SNX14: variants seen among roughly 807,000 people sequenced by gnomAD.
The protein encoded by SNX14 is sorting nexin 14, also known as sorting nexin-14.
Under a neutral mutation model 133.8 loss-of-function variants are expected in SNX14, and 93 were observed. The ratio of observed to expected loss-of-function variants is 0.70; its 90% CI spans 0.59 to 0.83. The LOEUF (loss-of-function observed/expected upper bound fraction) is 0.83, where lower values mean the gene tolerates loss of function less well. Ranked by LOEUF, SNX14 falls within the 40% of genes least tolerant of loss-of-function variation. The pLI, the probability that SNX14 is intolerant of heterozygous loss-of-function variation, is 0.00. For missense variants in SNX14, 945 were observed against 1,094.9 expected, an observed-to-expected ratio of 0.86 and a Z score of 1.93; for synonymous variants, 368 against 365.6, an observed-to-expected ratio of 1.01 and a Z score of -0.07.
At chr6:85,545,889 C>T (rs555493330) in intron 12 of SNX14, among the ~76,000 whole-genome samples, 1 of 152,248 alleles carries the variant, frequency 6.6e-6, no homozygotes, top group African/African-American at 2.4e-5. Flanking sequence ...CACTATGTTG[C>T]CCAGGTTGGT....
chr6:85,512,514 C>T (rs182720539), intron 26 of SNX14, among the ~76,000 whole-genome samples: 448 of 151,256 alleles, frequency 3.0e-3, no homozygotes, highest in Non-Finnish European at 5.2e-3. Flanking sequence ...CCCAGCTACT[C>T]GGGAGGCTGA....
chr6:85,507,651 G>C (rs1771185300), intron 27 of SNX14, among the ~76,000 whole-genome samples: 1 of 151,964 alleles, frequency 6.6e-6, no homozygotes, highest in African/African-American at 2.4e-5. Context: ...ACATAAAAAT[G>C]TTAACTGGTT....
Position 85,514,524 on chromosome 6 carries a change from C to A in SNX14, c.2374G>T (p.Asp792Tyr). The A allele has an allele frequency of 1.2e-6, 2 of 1,613,398 alleles. No individual in the cohort carries two copies. The highest frequency in any genetic ancestry group is 1.7e-6 in the Non-Finnish European group (2 of 1,179,736). Residue 792 changes from aspartate to tyrosine, a missense_variant, in exon 24 of 29, where the codon GAT (aspartate) becomes TAT (tyrosine). By Grantham distance (160) the Asp-to-Tyr change is radical (BLOSUM62 -3). This residue lies in a region of SNX14 where 412 missense variants were observed against 516.6 expected (regional missense o/e 0.80). Transcript: ENST00000314673. ...MEVMTVEGVY[D>Y]YLMYVGRVVF... ...ATCTTACCTACATACATCAGGTAAT[C>A]ATAGACTCCTTCTACAGTCATCACC...
chr6:85,579,396 G>A (rs1242608803), intron 1 of SNX14, among the ~76,000 whole-genome samples: 2 of 152,100 alleles, frequency 1.3e-5, no homozygotes, highest in Admixed American at 6.5e-5. Flanking sequence ...CTCCCCACAG[G>A]AACACCAAAT....
intron 16 of SNX14, among the ~76,000 whole-genome samples, chr6:85,538,221 AG>A (rs1782542662): frequency 6.6e-6 from 1 of 152,202 alleles, no homozygotes; most frequent in African/African-American, 2.4e-5. Flanking sequence ...AAGCAGTAAA[AG>A]GGGTACTTAA....
intron 7 of SNX14, among the ~76,000 whole-genome samples, chr6:85,551,510 A>G (rs1787833295): frequency 6.6e-6 from 1 of 152,242 alleles, no homozygotes; most frequent in Non-Finnish European, 1.5e-5. Flanking sequence ...ATCAGAACTC[A>G]GCTGCACTGA....
Position 85,505,954 on chromosome 6 carries a change from C to G in SNX14, c.*13G>C. 6.3e-7 allele frequency: 1 copy of G among 1,594,964 alleles called. No homozygotes were observed. The highest frequency in any genetic ancestry group is 8.6e-7 in the Non-Finnish European group (1 of 1,163,258). The stretch of plus-strand genomic sequence containing the variant: ...GAAATTTCAATGGGTTATTCTATAC[C>G]AAATCCAAGTGTTTACATCCAAGAT... On this transcript the variant is annotated 3_prime_UTR_variant, in exon 29 of 29. Coordinates refer to ENST00000314673, the MANE Select transcript of SNX14 (RefSeq NM_153816.6).
At chr6:85,556,158 C>A (rs1789698928) in intron 7 of SNX14, among the ~76,000 whole-genome samples, 2 of 152,136 alleles carry the variant, frequency 1.3e-5, no homozygotes, top group Admixed American at 1.3e-4. Flanking sequence ...CTCAATAATT[C>A]TTCTGTGAAT....
intron 18 of SNX14, among the ~76,000 whole-genome samples, chr6:85,532,700 C>A (rs143300412): frequency 6.6e-6 from 1 of 152,058 alleles, no homozygotes; most frequent in African/African-American, 2.4e-5. Context: ...AAAGTGGTGA[C>A]TATTTTATTT....
intron 18 of SNX14, among the ~76,000 whole-genome samples, chr6:85,531,863 C>T (rs1562248574): frequency 6.6e-6 from 1 of 151,852 alleles, no homozygotes. Context: ...CTTTTCTCTA[C>T]AAAAAAATTT....
At position 85,533,877 on chromosome 6, in the gene SNX14, G is replaced by C. The variant is rs745480275; in HGVS notation, c.1609-77C>G. The C allele has an allele frequency of 8.2e-4, 901 of 1,097,202 alleles. 4 individuals carry two copies. Among genetic ancestry groups the C allele is most frequent in the Non-Finnish European group, 1.0e-3 (757 of 753,368 alleles). 68.0% of individuals were successfully genotyped at this position (1,097,202 alleles called of 1,614,324 possible). ...ACAGCATATGAGATACAAGTATAAA[G>C]TAATATGCCCATATCAATTGATAAT... On this transcript the variant is annotated intron_variant, in intron 17 of 28. Transcript: ENST00000314673.
chr6:85,588,650 G>C (rs934843078), intron 1 of SNX14, among the ~76,000 whole-genome samples: 1 of 151,954 alleles, frequency 6.6e-6, no homozygotes, highest in African/African-American at 2.4e-5. Context: ...ATATACATTG[G>C]TCTCCCCGCA....
At chr6:85,511,794 G>A (rs946700863) in intron 26 of SNX14, among the ~76,000 whole-genome samples, 2 of 152,166 alleles carry the variant, frequency 1.3e-5, no homozygotes. Flanking sequence ...ATCTGACTCT[G>A]GTTCTGATAC....
intron 26 of SNX14, 163 bp from the exon 27 acceptor site, chr6:85,508,222 G>A: frequency 7.8e-7 from 1 of 1,286,106 alleles, no homozygotes; most frequent in Non-Finnish European, 9.8e-7. Context: ...CTGGATAAGA[G>A]GTTTCTATGG....
rs776056198 is a variant in SNX14, at chr6:85,543,292, A to G, written c.1279T>C (p.Tyr427His). ...EEIQRIAEGP[Y>H]IDVVKLQTMR... ...GTTTGAAGTTTCACAACATCTATGTATGGGCCTTCAGCAACTATTAAAAAA... is the reference window on the plus strand; with the variant it reads ...GTTTGAAGTTTCACAACATCTATGTGTGGGCCTTCAGCAACTATTAAAAAA... Residue 427 changes from tyrosine (Y) to histidine (H), a missense_variant, in exon 14 of 29, where the codon TAC becomes CAC. By Grantham distance (83) the Tyr-to-His change is moderately conservative. Coordinates refer to ENST00000314673, the MANE Select transcript of SNX14 (RefSeq NM_153816.6). 31 of 1,575,622 alleles carry G rather than the reference A, an allele frequency of 2.0e-5. No individual in the cohort carries two copies. In the South Asian group the frequency reaches 3.5e-4, roughly 18 times the overall value.
At chr6:85,578,911 G>A (rs995535422) in intron 1 of SNX14, among the ~76,000 whole-genome samples, 2 of 152,050 alleles carry the variant, frequency 1.3e-5, no homozygotes, top group East Asian at 3.8e-4. Flanking sequence ...TGAGGCGGGC[G>A]GATCACCTGA....
rs112516234 is a variant in SNX14 at position 85,507,354 on chromosome 6, T to C, written c.2746-65A>G. 6,476 of 1,331,430 alleles carry C rather than the reference T, an allele frequency of 4.9e-3. 40 individuals carry two copies. The highest frequency in any genetic ancestry group is 0.014 in the South Asian group (1,073 of 78,072). The allele number at this position is 1,331,430 out of a possible 1,614,324, so 82.5% of individuals were successfully genotyped here. A position where few individuals can be genotyped will look rare whatever the true frequency, so the allele number is the denominator to read the frequency against. On this transcript the variant is annotated intron_variant, in intron 27 of 28. Coordinates refer to ENST00000314673, the MANE Select transcript of SNX14 (RefSeq NM_153816.6). ...CTAAACACAAAAACCATAAAAATGA[T>C]ACACACAAAATTAAAGATTGTGGTT...
chr6:85,539,268 G>C (rs1225852599), intron 15 of SNX14, among the ~76,000 whole-genome samples: 2 of 152,002 alleles, frequency 1.3e-5, no homozygotes, highest in Non-Finnish European at 2.9e-5. Context: ...TCATGCAGTG[G>C]AAAGTATGCA....
chr6:85,550,295 A>G (rs897347706), intron 7 of SNX14, among the ~76,000 whole-genome samples: 2 of 152,186 alleles, frequency 1.3e-5, no homozygotes, highest in African/African-American at 4.8e-5. Flanking sequence ...GTTTGCAATA[A>G]ATTGATAAAT....
Sources: gnomAD v4.1 joint callset for allele counts (sites outside exome capture counted in the v4.1 genomes callset) on GRCh38, gnomAD v4.1.1 for gene constraint, gnomAD v4.1.1 regional missense constraint, MANE v1.5 for transcripts, NCBI Gene and HGNC (gene_info 2026-07-23, HGNC 2026-07-21) for gene names.